Variants in CCSER2 observed in about 807,000 individuals in gnomAD.
CCSER2 encodes coiled-coil serine rich protein 2.
A neutral mutation model predicts 92.3 loss-of-function variants in CCSER2; 46 were observed. The ratio of observed to expected loss-of-function variants is 0.50; its 90% CI spans 0.39 to 0.64. CCSER2 has a LOEUF of 0.64. Among genes scored for constraint, CCSER2 ranks in the 30% least tolerant of loss-of-function variants. CCSER2 has a pLI of 0.00. For missense variants in CCSER2, 1,244 were observed against 1,238.9 expected (o/e 1.00, Z -0.06); for synonymous variants, 433 against 431.4 (o/e 1.00, Z -0.04).
At chr10:84,392,635 A>G (rs1484478853) in intron 3 of CCSER2, among the ~76,000 whole-genome samples, 1 of 152,104 alleles carries the variant, frequency 6.6e-6, no homozygotes, top group African/African-American at 2.4e-5. Context: ...TTCCCATAGT[A>G]GAAGCAGGTT....
At chr10:84,402,320 G>A (rs1842162091) in intron 3 of CCSER2, among the ~76,000 whole-genome samples, 1 of 152,074 alleles carries the variant, frequency 6.6e-6, no homozygotes, top group African/African-American at 2.4e-5. Context: ...AGAGAAACTT[G>A]AAGAGTTTTA....
intron 2 of CCSER2, 53 bp from the exon 3 acceptor site, chr10:84,373,566 G>T (rs1438086046): frequency 1.5e-6 from 2 of 1,360,658 alleles, no homozygotes; most frequent in African/African-American, 1.5e-5. Flanking sequence ...ATATTTTTAG[G>T]ACACGAGAAA....
At position 84,399,955 on chromosome 10, in the gene CCSER2, G is replaced by T. The variant is rs79225735; in HGVS notation, c.1615-17816G>T. 3.8e-4 allele frequency among the ~76,000 whole-genome samples: 58 copies of T among 151,552 alleles called. No individual in the cohort carries two copies. The East Asian group carries it at 9.7e-3, about 25-fold the overall frequency. ...TAACCATCTTACTGGGCGTTAAGTG[G>T]TATTTTATTGTGGTTTTGATTCGCT... is the stretch of plus-strand genomic sequence containing the variant. On this transcript the variant is annotated intron_variant, in intron 3 of 9. Coordinates refer to ENST00000372088, the MANE Select transcript of CCSER2 (RefSeq NM_001284240.2).
At chr10:84,506,388 C>G (rs964172212) in intron 9 of CCSER2, among the ~76,000 whole-genome samples, 1 of 152,112 alleles carries the variant, frequency 6.6e-6, no homozygotes, top group Non-Finnish European at 1.5e-5. Flanking sequence ...AGTTGTAATA[C>G]AGTATTAGGG....
intron 6 of CCSER2, among the ~76,000 whole-genome samples, chr10:84,462,399 A>G (rs1429296190): frequency 6.6e-6 from 1 of 152,200 alleles, no homozygotes; most frequent in African/African-American, 2.4e-5. Context: ...GTTGGGAAGA[A>G]GACATTTAGA....
intron 3 of CCSER2, among the ~76,000 whole-genome samples, chr10:84,399,031 T>G (rs775067877): frequency 6.6e-6 from 1 of 152,148 alleles, no homozygotes; most frequent in South Asian, 2.1e-4. Flanking sequence ...CCAGAAAGAT[T>G]TTTTAAATTT....
Position 84,425,864 on chromosome 10 carries a change from T to C in CCSER2, c.1839T>C (p.Tyr613=), listed in dbSNP as rs1229808428. 1.2e-6 allele frequency: 2 copies of C among 1,609,708 alleles called. No individual in the cohort carries two copies. The highest frequency in any genetic ancestry group is 1.7e-6 in the Non-Finnish European group (2 of 1,177,602). Reference sequence around the variant, plus strand: ...ACCACCTCAGCCACCCTGACCACTATCATCACCATGGAAAAAGTGACTTGA... The same window carrying C: ...ACCACCTCAGCCACCCTGACCACTACCATCACCATGGAAAAAGTGACTTGA... The part of the protein sequence containing the change: ...EHYHLSHPDH[Y]HHHGKSDLSR... Residue 613 remains tyrosine, a synonymous_variant, in exon 5 of 10, where the codon TAT becomes TAC. Coordinates refer to ENST00000372088, the MANE Select transcript of CCSER2 (RefSeq NM_001284240.2).
chr10:84,332,412 T>TTTATATATATA (rs1368768969), intron 1 of CCSER2, among the ~76,000 whole-genome samples: 1 of 82,272 alleles, frequency 1.2e-5, no homozygotes, highest in Non-Finnish European at 2.0e-5. Context: ...ATTTATTTTT[T>TTTATATATATA]TATATATATA....
chr10:84,478,798 T>C (rs755930959), intron 9 of CCSER2, among the ~76,000 whole-genome samples: 4 of 152,186 alleles, frequency 2.6e-5, no homozygotes, highest in Non-Finnish European at 5.9e-5. Context: ...GAAAGTCTAG[T>C]TGAAAGAATC....
chr10:84,477,548 A>G (rs766537679), intron 8 of CCSER2, 27 bp from the exon 9 acceptor site: 5 of 1,320,564 alleles, frequency 3.8e-6, no homozygotes, highest in Non-Finnish European at 5.5e-6. Flanking sequence ...AATTAAACCA[A>G]TGTAAAAATT....
Position 84,464,023 on chromosome 10 carries a change from CT to C in CCSER2, c.2148+8del, listed in dbSNP as rs769190419. On this transcript the variant is annotated splice_region_variant and intron_variant, in intron 7 of 9. Transcript: ENST00000372088. ...TGGTGATAAAGTATATAAGGTATGA[CT>C]ATGTAGTCATGCTGGATTTTTCAAA... 1 of 1,527,062 alleles carries C rather than the reference CT, an allele frequency of 6.5e-7. No homozygotes were observed. Among genetic ancestry groups the C allele is most frequent in the South Asian group, 1.2e-5 (1 of 85,352 alleles). 94.6% of individuals were successfully genotyped at this position (1,527,062 alleles called of 1,614,324 possible).
At chr10:84,485,402 G>A (rs1026778046) in intron 9 of CCSER2, among the ~76,000 whole-genome samples, 1 of 152,018 alleles carries the variant, frequency 6.6e-6, no homozygotes, top group African/African-American at 2.4e-5. Context: ...CTAACCTCTG[G>A]TAACCACTAA....
At chr10:84,348,516 G>A (rs552300374) in intron 1 of CCSER2, among the ~76,000 whole-genome samples, 3 of 152,030 alleles carry the variant, frequency 2.0e-5, no homozygotes, top group African/African-American at 7.2e-5. Flanking sequence ...GAGAGGGCAA[G>A]GGCGAGGGCG....
At chr10:84,389,215 A>G in intron 3 of CCSER2, 1 of 433,052 alleles carries the variant, frequency 2.3e-6, no homozygotes, top group Non-Finnish European at 4.5e-6. Context: ...CTATGATGTC[A>G]TGAGGGTGGC....
chr10:84,458,511 C>G (rs1416603546), intron 6 of CCSER2, among the ~76,000 whole-genome samples: 2 of 152,004 alleles, frequency 1.3e-5, no homozygotes, highest in East Asian at 1.9e-4. Context: ...TATTTTAGTT[C>G]TTTTGCCTTT....
At chr10:84,459,477 A>G (rs1845969459) in intron 6 of CCSER2, among the ~76,000 whole-genome samples, 1 of 152,020 alleles carries the variant, frequency 6.6e-6, no homozygotes, top group African/African-American at 2.4e-5. Context: ...ATGTTTCACC[A>G]TTAAATATGA....
intron 9 of CCSER2, among the ~76,000 whole-genome samples, chr10:84,501,468 A>G (rs1366432861): frequency 2.6e-5 from 4 of 152,022 alleles, no homozygotes; most frequent in Non-Finnish European, 5.9e-5. Flanking sequence ...ACGGAATTGA[A>G]GTTTGGGATT....
At chr10:84,492,461 C>G (rs1848227678) in intron 9 of CCSER2, among the ~76,000 whole-genome samples, 1 of 152,004 alleles carries the variant, frequency 6.6e-6, no homozygotes, top group African/African-American at 2.4e-5. Flanking sequence ...TCTTTTATTT[C>G]CCTTCTTTGC....
intron 3 of CCSER2, among the ~76,000 whole-genome samples, chr10:84,408,980 T>C (rs1842510195): frequency 6.6e-6 from 1 of 152,146 alleles, no homozygotes; most frequent in African/African-American, 2.4e-5. Context: ...TCTATTTTAT[T>C]TTATTATGTT....
Sources: gnomAD v4.1 joint callset for allele counts (sites outside exome capture counted in the v4.1 genomes callset) on GRCh38, gnomAD v4.1.1 for gene constraint, MANE v1.5 for transcripts, NCBI Gene and HGNC (gene_info 2026-07-23, HGNC 2026-07-21) for gene names.